The following SLC14A2 variants were observed in gnomAD, a reference collection of about 807,000 sequenced individuals.
SLC14A2 encodes urea transporter 2.
In SLC14A2, 91 loss-of-function variants were observed where a neutral mutation model predicts 104.6. That is an observed-to-expected ratio of 0.87 (90% CI 0.73 to 1.04). The LOEUF (loss-of-function observed/expected upper bound fraction) is 1.04, where lower values mean the gene tolerates loss of function less well. Among genes scored for constraint, SLC14A2 ranks in the 50% least tolerant of loss-of-function variants. SLC14A2 has a pLI of 0.00. For missense variants in SLC14A2, 1,189 were observed against 1,156.0 expected (o/e 1.03, Z -0.41); for synonymous variants, 476 against 466.4 (o/e 1.02, Z -0.27).
chr18:45,548,321 A>C (rs1335309070), intron 2 of SLC14A2, among the ~76,000 whole-genome samples: 1 of 152,222 alleles, frequency 6.6e-6, no homozygotes, highest in Non-Finnish European at 1.5e-5. Context: ...GACTTCCTTC[A>C]GTGAGGAAGA....
At chr18:45,475,610 T>G in intron 1 of SLC14A2, among the ~76,000 whole-genome samples, 1 of 104,528 alleles carries the variant, frequency 9.6e-6, no homozygotes. Context: ...AGGTTATATA[T>G]ATATTTAGGA....
At chr18:45,192,211 G>C in the SLC14A2 span, among the ~76,000 whole-genome samples, 1 of 152,040 alleles carries the variant, frequency 6.6e-6, no homozygotes, top group East Asian at 1.9e-4. Context: ...AGTGTACTTG[G>C]AGGTGTGGTA....
chr18:45,318,528 C>T (rs2085152751), intron 1 of SLC14A2, among the ~76,000 whole-genome samples: 1 of 152,130 alleles, frequency 6.6e-6, no homozygotes, highest in Non-Finnish European at 1.5e-5. Flanking sequence ...TGACTCACAC[C>T]TGTAATCCCA....
chr18:45,641,987 C>T (rs1310479710), intron 8 of SLC14A2, among the ~76,000 whole-genome samples: 4 of 152,198 alleles, frequency 2.6e-5, no homozygotes, highest in Non-Finnish European at 4.4e-5. Context: ...CCAAGAATAC[C>T]ACCAGGCATA....
chr18:45,261,931 G>C (rs1264450960), intron 1 of SLC14A2, among the ~76,000 whole-genome samples: 1 of 152,148 alleles, frequency 6.6e-6, no homozygotes, highest in Non-Finnish European at 1.5e-5. Flanking sequence ...CCAGTAATGG[G>C]ATGGCTGGGT....
Position 45,668,459 on chromosome 18 carries a change from TCA to T in SLC14A2, c.2019_2020del (p.Ile674HisfsTer85). The T allele has an allele frequency of 6.2e-7, 1 of 1,614,186 alleles. No individual in the cohort carries two copies. Among genetic ancestry groups the T allele is most frequent in the Non-Finnish European group, 8.5e-7 (1 of 1,180,012 alleles). On this transcript the variant is annotated frameshift_variant, in exon 15 of 20. Transcript: ENST00000255226. LOFTEE classifies it high-confidence loss of function. ...TACTGGTGGCTGTTGCTACCCGTCA[TCA>T]TCATGTCCATGTCTTGGTAAGTTTG...
chr18:45,616,615 AC>A (rs2045075669), intron 1 of SLC14A2, among the ~76,000 whole-genome samples: 1 of 152,204 alleles, frequency 6.6e-6, no homozygotes, highest in Non-Finnish European at 1.5e-5. Context: ...CTAGAAGGTG[AC>A]CTGCGTTGGG....
intron 1 of SLC14A2, among the ~76,000 whole-genome samples, chr18:45,290,099 C>A (rs948537572): frequency 1.4e-5 from 2 of 147,220 alleles, no homozygotes; most frequent in Non-Finnish European, 3.0e-5. Context: ...TTTCAAAGTT[C>A]TTTTGTAAAA....
chr18:45,248,488 C>T (rs1357155486), intron 1 of SLC14A2, among the ~76,000 whole-genome samples: 2 of 151,964 alleles, frequency 1.3e-5, no homozygotes, highest in Non-Finnish European at 2.9e-5. Context: ...AGATCTCAGC[C>T]CTCATAAGAC....
In SLC14A2 at chr18:45,258,147, T is replaced by TGGAACTCAATGTAG. The variant is rs1378541780; in HGVS notation, c.-125+44956_-125+44957insGGAACTCAATGTAG. Among the ~76,000 whole-genome samples, 114 of 103,092 alleles carry TGGAACTCAATGTAG rather than the reference T, an allele frequency of 1.1e-3. 1 individual carries two copies. Among genetic ancestry groups the TGGAACTCAATGTAG allele is most frequent in the African/African-American group, 2.1e-3 (46 of 21,600 alleles). 67.6% of individuals were successfully genotyped at this position (103,092 alleles called of 152,430 possible). A position where few individuals can be genotyped will look rare whatever the true frequency, so the allele number is the denominator to read the frequency against. On this transcript the variant is annotated intron_variant, in intron 1 of 20. Transcript: ENST00000586448. ...CCAAGGCATAAAAGGCATAAATCAC[T>TGGAACTCAATGTAG]TTTCCAAGGTCACCTGTTGTTACTT...
chr18:45,486,035 T>G (rs986261575), intron 2 of SLC14A2, among the ~76,000 whole-genome samples: 1 of 152,196 alleles, frequency 6.6e-6, no homozygotes, highest in African/African-American at 2.4e-5. Context: ...AGGGAAATAC[T>G]GAGAACTTGA....
chr18:45,170,999 G>A, the SLC14A2 span, among the ~76,000 whole-genome samples: 1 of 150,020 alleles, frequency 6.7e-6, no homozygotes, highest in Non-Finnish European at 1.5e-5. Flanking sequence ...CACTCAAAAT[G>A]ATGAATAATA....
At position 45,457,357 on chromosome 18, in the gene SLC14A2, G is replaced by A. The variant is rs1568215918; in HGVS notation, c.-124-25876G>A. The stretch of plus-strand genomic sequence containing the variant: ...TGGTTTGAGGCATGTCCCTGGTGGT[G>A]GATTTAGAGAGAAGCAACATGCAGG... On this transcript the variant is annotated intron_variant, in intron 1 of 20. Transcript: ENST00000586448. Among the ~76,000 whole-genome samples the A allele has an allele frequency of 2.6e-5, 4 of 152,060 alleles. No homozygotes were observed. In the South Asian group the frequency reaches 6.2e-4, roughly 24 times the overall value.
At chr18:45,518,832 C>T (rs958715384) in intron 2 of SLC14A2, among the ~76,000 whole-genome samples, 2 of 152,176 alleles carry the variant, frequency 1.3e-5, no homozygotes, top group Non-Finnish European at 2.9e-5. Context: ...CACCTTAGCT[C>T]CTTCTCCCTG....
At chr18:45,358,890 A>G (rs1287203865) in intron 1 of SLC14A2, among the ~76,000 whole-genome samples, 1 of 152,178 alleles carries the variant, frequency 6.6e-6, no homozygotes, top group Non-Finnish European at 1.5e-5. Context: ...TTTCCCCACA[A>G]TTAAATGTAC....
At chr18:45,294,201 C>A (rs778071100) in intron 1 of SLC14A2, among the ~76,000 whole-genome samples, 3 of 151,906 alleles carry the variant, frequency 2.0e-5, no homozygotes, top group Non-Finnish European at 4.4e-5. Context: ...TTTATTTGTG[C>A]TTTTCCCTTG....
intron 2 of SLC14A2, among the ~76,000 whole-genome samples, chr18:45,605,209 A>G (rs140739800): frequency 6.6e-6 from 1 of 152,336 alleles, no homozygotes; most frequent in Non-Finnish European, 1.5e-5. Context: ...AACTTGAAAG[A>G]CAATCCTAGC....
chr18:45,545,410 G>A (rs2043955040), intron 2 of SLC14A2, among the ~76,000 whole-genome samples: 1 of 152,024 alleles, frequency 6.6e-6, no homozygotes, highest in South Asian at 2.1e-4. Context: ...TCATGCTCTT[G>A]GGCTGATTTT....
At chr18:45,511,729 G>T (rs2043368239) in intron 2 of SLC14A2, among the ~76,000 whole-genome samples, 1 of 152,168 alleles carries the variant, frequency 6.6e-6, no homozygotes, top group Admixed American at 6.5e-5. Flanking sequence ...ACTAACCCAA[G>T]TGTCCCAATT....
Sources: gnomAD v4.1 joint callset for allele counts (sites outside exome capture counted in the v4.1 genomes callset) on GRCh38, gnomAD v4.1.1 for gene constraint, MANE v1.5 for transcripts, NCBI Gene and HGNC (gene_info 2026-07-23, HGNC 2026-07-21) for gene names.